The following HSCB variants were observed in gnomAD, a reference collection of about 807,000 sequenced individuals.
HSCB encodes iron-sulfur cluster co-chaperone protein HscB.
Under a neutral mutation model 31.3 loss-of-function variants are expected in HSCB, and 23 were observed. The observed-to-expected ratio is 0.74, with a 90% CI of 0.53 to 1.04. The LOEUF (loss-of-function observed/expected upper bound fraction) is 1.04, where lower values mean the gene tolerates loss of function less well. HSCB is among the 50% of genes least tolerant of loss of function. The probability of loss-of-function intolerance (pLI) is 0.00; values close to 1 mark genes in which losing one functional copy is unlikely to be tolerated. For synonymous variants in HSCB, 110 were observed against 104.5 expected (o/e 1.05, Z -0.32); for missense variants, 297 against 288.1 (o/e 1.03, Z -0.22).
At chr22:28,756,528 G>A (rs1264037635) in intron 5 of HSCB, among the ~76,000 whole-genome samples, 2 of 151,302 alleles carry the variant, frequency 1.3e-5, no homozygotes, top group Non-Finnish European at 2.9e-5. Flanking sequence ...AAGTACAGTG[G>A]CACAGTCATA....
chr22:28,744,890 C>CA (rs2054658894), intron 3 of HSCB, among the ~76,000 whole-genome samples, 186 bp downstream of exon 3: 1 of 151,774 alleles, frequency 6.6e-6, no homozygotes, highest in African/African-American at 2.4e-5. Context: ...CAAGACCATC[C>CA]TGGGCAACAT....
Position 28,753,873 on chromosome 22 carries a change from G to A in HSCB, c.616+2585G>A, listed in dbSNP as rs142500098. ...GAAATTCTGACACAGGACCGGGCGC[G>A]GTGGCTCACGCCTGTAATCCTAGCA... On this transcript the variant is annotated intron_variant, in intron 5 of 5. Coordinates refer to ENST00000216027, the MANE Select transcript of HSCB (RefSeq NM_172002.5). Among the ~76,000 whole-genome samples the A allele has an allele frequency of 2.8e-3, 420 of 152,048 alleles. 3 individuals are homozygous for A. Among genetic ancestry groups the A allele is most frequent in the African/African-American group, 9.5e-3 (394 of 41,490 alleles).
chr22:28,755,517 C>T (rs548208854), intron 5 of HSCB, among the ~76,000 whole-genome samples: 14 of 152,282 alleles, frequency 9.2e-5, no homozygotes, highest in African/African-American at 3.4e-4. Context: ...ACAGTAACCA[C>T]TCCTGAATTT....
chr22:28,748,525 G>C (rs1358713718), intron 4 of HSCB, among the ~76,000 whole-genome samples: 1 of 148,918 alleles, frequency 6.7e-6, no homozygotes, highest in Non-Finnish European at 1.5e-5. Flanking sequence ...GTTTTGTTTT[G>C]TTTTTGAGAC....
At chr22:28,747,498 C>T (rs1024602882) in intron 4 of HSCB, among the ~76,000 whole-genome samples, 1 of 152,042 alleles carries the variant, frequency 6.6e-6, no homozygotes, top group African/African-American at 2.4e-5. Flanking sequence ...GATGGGGTTT[C>T]ACCATGTTGC....
rs758984633 is a variant in HSCB at position 28,757,121 on chromosome 22, C to G, written c.660C>G (p.Tyr220Ter). The G allele has an allele frequency of 6.4e-6, 10 of 1,569,924 alleles. No homozygotes were observed. The Admixed American group carries it at 1.3e-4, about 21-fold the overall frequency. The change falls in exon 6 of 6, where the codon TAC becomes TAG. Residue 220 changes from tyrosine to a stop codon, truncating the protein, a stop_gained. Coordinates refer to ENST00000216027, the MANE Select transcript of HSCB (RefSeq NM_172002.5). LOFTEE classifies it high-confidence loss of function. Reference protein sequence around the residue: ...EAKEILTKMRYFSNIEEKIKL... With the variant: ...EAKEILTKMR ...AGGAAATTTTGACAAAGATGAGATA[C>G]TTTTCAAATATAGAAGAAAAGATCA...
chr22:28,752,048 G>C (rs929092453), intron 5 of HSCB, among the ~76,000 whole-genome samples: 1 of 151,922 alleles, frequency 6.6e-6, no homozygotes, highest in Admixed American at 6.6e-5. Context: ...CCAAGATCAC[G>C]CCACTGCACT....
At chr22:28,747,654 G>A (rs942986647) in intron 4 of HSCB, among the ~76,000 whole-genome samples, 26 of 152,074 alleles carry the variant, frequency 1.7e-4, no homozygotes, top group Admixed American at 1.2e-3. Context: ...CCAAGTTGAC[G>A]CATAAAATTA....
chr22:28,743,101 C>T (rs537269114), intron 1 of HSCB, among the ~76,000 whole-genome samples: 1 of 152,154 alleles, frequency 6.6e-6, no homozygotes, highest in Non-Finnish European at 1.5e-5. Flanking sequence ...AGACTTTCTT[C>T]AAGACCATCT....
chr22:28,744,729 G>C (rs374795622), intron 3 of HSCB, 25 bp downstream of exon 3: 1 of 1,548,128 alleles, frequency 6.5e-7, no homozygotes, highest in African/African-American at 1.4e-5. Flanking sequence ...CAACACTTCT[G>C]TGTATGACGT....
At position 28,743,951 on chromosome 22, in the gene HSCB, C is replaced by T; in HGVS notation, c.306C>T (p.His102=). 6.2e-7 allele frequency: 1 copy of T among 1,614,150 alleles called. No homozygotes were observed. Among genetic ancestry groups the T allele is most frequent in the East Asian group, 2.2e-5 (1 of 44,890 alleles). The change falls in exon 2 of 6, where the codon CAC becomes CAT. Residue 102 remains histidine (H), a synonymous_variant. Coordinates refer to ENST00000216027, the MANE Select transcript of HSCB (RefSeq NM_172002.5). The part of the protein sequence containing the change: ...HRYQQLQRLV[H]PDFFSQRSQT... Reference sequence around the variant, plus strand: ...ACCAGCAACTGCAGCGTCTTGTCCACCCAGATTTCTTCAGCCAGAGGTCTC... The same window carrying T: ...ACCAGCAACTGCAGCGTCTTGTCCATCCAGATTTCTTCAGCCAGAGGTCTC...
In HSCB at chr22:28,751,291, ACTTT is replaced by A. The variant is rs765242685; in HGVS notation, c.616+8_616+11del. Reference sequence around the variant, plus strand: ...TGTGAGCAGTGCTTTTGAACAAGGTACTTTCTTTTCTTCACTTTCTTAAATATGG... The same window carrying A: ...TGTGAGCAGTGCTTTTGAACAAGGTACTTTTCTTCACTTTCTTAAATATGG... On this transcript the variant is annotated splice_donor_5th_base_variant and intron_variant, in intron 5 of 5. Transcript: ENST00000216027. 15 of 1,582,158 alleles carry A rather than the reference ACTTT, an allele frequency of 9.5e-6. No homozygotes were observed. Among genetic ancestry groups the A allele is most frequent in the Non-Finnish European group, 1.3e-5 (15 of 1,157,444 alleles).
chr22:28,752,077 C>T (rs1281487811), intron 5 of HSCB, among the ~76,000 whole-genome samples: 4 of 139,570 alleles, frequency 2.9e-5, no homozygotes, highest in East Asian at 2.2e-4. Context: ...GGCAACAAAG[C>T]GAGACTCCCT....
At chr22:28,756,764 G>A (rs937516988) in intron 5 of HSCB, among the ~76,000 whole-genome samples, 3 of 152,074 alleles carry the variant, frequency 2.0e-5, no homozygotes, top group South Asian at 4.1e-4. Flanking sequence ...AAAATGCTGG[G>A]ATAGCAGGTA....
intron 1 of HSCB, among the ~76,000 whole-genome samples, chr22:28,743,637 C>T (rs922000209): frequency 3.3e-5 from 5 of 152,138 alleles, no homozygotes; most frequent in African/African-American, 1.2e-4. Flanking sequence ...TCTACCTGGA[C>T]GTCTCTTTCC....
chr22:28,750,188 G>T (rs1286250886), intron 4 of HSCB, among the ~76,000 whole-genome samples: 1 of 144,452 alleles, frequency 6.9e-6, no homozygotes, highest in Non-Finnish European at 1.5e-5. Context: ...GGTGGAGGTT[G>T]CAGTGAGCCG....
chr22:28,748,650 C>T (rs2029998834), intron 4 of HSCB, among the ~76,000 whole-genome samples: 1 of 152,142 alleles, frequency 6.6e-6, no homozygotes, highest in East Asian at 1.9e-4. Flanking sequence ...GTAGCTGGGA[C>T]TACAGGTGCG....
chr22:28,743,202 C>A (rs1016234106), intron 1 of HSCB, among the ~76,000 whole-genome samples: 2 of 152,038 alleles, frequency 1.3e-5, no homozygotes, highest in African/African-American at 2.4e-5. Flanking sequence ...AAATTTGTAG[C>A]CAAGGAGCAG....
chr22:28,742,210 C>A lies in HSCB; in HGVS notation c.115C>A (p.Pro39Thr). The A allele has an allele frequency of 6.2e-7, 1 of 1,613,926 alleles. No individual in the cohort carries two copies. ...TGCGTCGCAGGCGGGAAGCAATTATCCCCGCTGTTGGAACTGCGGCGGCCC... is the reference window on the plus strand; with the variant it reads ...TGCGTCGCAGGCGGGAAGCAATTATACCCGCTGTTGGAACTGCGGCGGCCC... ...DAASQAGSNY[P>T]RCWNCGGPWG... The change falls in exon 1 of 6, where the codon CCC becomes ACC. Residue 39 changes from proline to threonine, a missense_variant. Coordinates refer to ENST00000216027, the MANE Select transcript of HSCB (RefSeq NM_172002.5).
Sources: allele counts gnomAD v4.1 joint callset (sites outside exome capture counted in the v4.1 genomes callset), GRCh38; gene constraint gnomAD v4.1.1; transcripts MANE v1.5; gene names NCBI Gene and HGNC (gene_info 2026-07-23, HGNC 2026-07-21).